HMGB1: variants seen among roughly 807,000 people sequenced by gnomAD.
HMGB1 encodes the protein high mobility group protein B1.
For missense variants in HMGB1, 79 were observed against 253.5 expected (o/e 0.31, Z 4.67); for synonymous variants, 81 against 84.0 (o/e 0.96, Z 0.19).
chr13:30,579,094 T>C (rs1025302439), intron 1 of HMGB1, among the ~76,000 whole-genome samples: 3 of 152,260 alleles, frequency 2.0e-5, no homozygotes, highest in Non-Finnish European at 4.4e-5. Context: ...TTGTATGTCC[T>C]GGGAACTAGA....
At chr13:30,541,355 G>GGGAAGTCTTAGCATTGA (rs1330566427) in intron 1 of HMGB1, among the ~76,000 whole-genome samples, 1 of 151,740 alleles carries the variant, frequency 6.6e-6, no homozygotes, top group African/African-American at 2.4e-5. Flanking sequence ...ACAATCTCAT[G>GGGAAGTCTTAGCATTGA]TAAATATGGG....
At chr13:30,516,592 T>G (rs984674104) in intron 1 of HMGB1, among the ~76,000 whole-genome samples, 1 of 152,158 alleles carries the variant, frequency 6.6e-6, no homozygotes, top group Non-Finnish European at 1.5e-5. Flanking sequence ...CTTTTAAATA[T>G]ATTTTTAGTC....
chr13:30,550,241 T>C (rs1461858466), intron 1 of HMGB1, among the ~76,000 whole-genome samples: 2 of 152,202 alleles, frequency 1.3e-5, no homozygotes, highest in Admixed American at 6.5e-5. Flanking sequence ...GTATGTTCAT[T>C]TGTCCATTTG....
At chr13:30,520,891 C>T (rs552945819) in intron 1 of HMGB1, among the ~76,000 whole-genome samples, 1 of 152,166 alleles carries the variant, frequency 6.6e-6, no homozygotes, top group Non-Finnish European at 1.5e-5. Flanking sequence ...TTATCATTCT[C>T]CCCACCTCTT....
At chr13:30,610,006 G>A (rs528715099) in intron 1 of HMGB1, among the ~76,000 whole-genome samples, 1 of 152,180 alleles carries the variant, frequency 6.6e-6, no homozygotes, top group Non-Finnish European at 1.5e-5. Context: ...TCTACTCAAT[G>A]TGAAGGTGAC....
intron 1 of HMGB1, among the ~76,000 whole-genome samples, chr13:30,550,821 C>A (rs1463370426): frequency 6.6e-6 from 1 of 152,150 alleles, no homozygotes; most frequent in Non-Finnish European, 1.5e-5. Context: ...ATTCATGTGT[C>A]ATATATTACA....
At chr13:30,490,517 G>A (rs1322656004) in intron 1 of HMGB1, among the ~76,000 whole-genome samples, 3 of 151,978 alleles carry the variant, frequency 2.0e-5, no homozygotes, top group African/African-American at 7.3e-5. Flanking sequence ...TACTTGGGAG[G>A]CTGAGGCGCA....
At chr13:30,512,888 C>A (rs571966577) in intron 1 of HMGB1, among the ~76,000 whole-genome samples, 161 of 152,288 alleles carry the variant, frequency 1.1e-3, no homozygotes, top group Non-Finnish European at 1.8e-3. Flanking sequence ...TAGGGCCGCA[C>A]ACAGTGGCTC....
At chr13:30,526,576 A>T (rs2137480843) in intron 1 of HMGB1, among the ~76,000 whole-genome samples, 1 of 152,342 alleles carries the variant, frequency 6.6e-6, no homozygotes, top group Admixed American at 6.5e-5. Context: ...CCTAAAAAAA[A>T]TTAAAATCAA....
At chr13:30,529,061 T>C (rs982670242) in intron 1 of HMGB1, among the ~76,000 whole-genome samples, 18 of 144,504 alleles carry the variant, frequency 1.2e-4, no homozygotes, top group Admixed American at 4.8e-4. Context: ...AAAAAAAGAT[T>C]GAATTTTGGA....
At chr13:30,611,922 T>A (rs1448062889) in intron 1 of HMGB1, among the ~76,000 whole-genome samples, 2 of 151,644 alleles carry the variant, frequency 1.3e-5, no homozygotes, top group Non-Finnish European at 2.9e-5. Flanking sequence ...CAATTATGCA[T>A]ACGTCTGAAC....
intron 1 of HMGB1, among the ~76,000 whole-genome samples, chr13:30,614,793 G>A (rs116683785): frequency 1.4e-3 from 208 of 152,082 alleles, no homozygotes; most frequent in African/African-American, 4.8e-3. Flanking sequence ...GACCCCCGGG[G>A]TTCAAGCAAT....
Position 30,460,979 on chromosome 13 carries a change from A to ATTTTTTT in HMGB1, c.*377_*378insAAAAAAA. 1.4e-6 allele frequency: 1 copy of ATTTTTTT among 738,348 alleles called. No individual in the cohort carries two copies. Among genetic ancestry groups the ATTTTTTT allele is most frequent in the Non-Finnish European group, 1.7e-6 (1 of 604,150 alleles). The allele number at this position is 738,348 out of a possible 1,614,324, so 45.7% of individuals were successfully genotyped here. A position where few individuals can be genotyped will look rare whatever the true frequency, so the allele number is the denominator to read the frequency against. On this transcript the variant is annotated 3_prime_UTR_variant, in exon 5 of 5. Coordinates refer to ENST00000341423, the MANE Select transcript of HMGB1 (RefSeq NM_002128.7). ...TTTTTTTTTTTTTTTGCAATTACAG[A>ATTTTTTT]GTGGTATTCAGTTAACAGAACAACA...
intron 1 of HMGB1, chr13:30,464,196 A>G (rs1041129034): frequency 3.0e-6 from 3 of 984,940 alleles, no homozygotes; most frequent in Non-Finnish European, 3.6e-6. Context: ...CCCTCTTTGC[A>G]TAAAACTTTG....
chr13:30,525,870 G>A lies in HMGB1; in HGVS notation c.-14-62176C>T, dbSNP rs1888354526. Among the ~76,000 whole-genome samples the A allele has an allele frequency of 2.0e-5, 3 of 150,328 alleles. No homozygotes were observed. The South Asian group carries it at 6.3e-4, about 31-fold the overall frequency. ...AGATGAGATTGTGGGGGGACACAAAGCCTAACCATATAATGGGGGTTTCGT... is the reference window on the plus strand; with the variant it reads ...AGATGAGATTGTGGGGGGACACAAAACCTAACCATATAATGGGGGTTTCGT... On this transcript the variant is annotated intron_variant, in intron 1 of 4. Coordinates refer to the HMGB1 transcript ENST00000405805.
chr13:30,460,660 T>C lies in HMGB1; in HGVS notation c.*697A>G, dbSNP rs1399188393. 3.3e-5 allele frequency: 5 copies of C among 152,746 alleles called. No individual in the cohort carries two copies. The highest frequency in any genetic ancestry group is 1.5e-5 in the Non-Finnish European group (1 of 68,004). The allele number at this position is 152,746 out of a possible 1,614,324, so 9.5% of individuals were successfully genotyped here. The stretch of plus-strand genomic sequence containing the variant: ...TCAGTTTGTAAATGTAAGTGGGCTA[T>C]GTGAAATTTCTTAACTGATCAAGAT... On this transcript the variant is annotated 3_prime_UTR_variant, in exon 5 of 5. Transcript: ENST00000341423.
At chr13:30,511,571 A>C (rs1887993012) in intron 1 of HMGB1, among the ~76,000 whole-genome samples, 1 of 152,190 alleles carries the variant, frequency 6.6e-6, no homozygotes, top group African/African-American at 2.4e-5. Context: ...TACCAGCCTC[A>C]GGCATTCCTT....
At chr13:30,522,854 T>C (rs1888271404) in intron 1 of HMGB1, among the ~76,000 whole-genome samples, 1 of 152,268 alleles carries the variant, frequency 6.6e-6, no homozygotes, top group African/African-American at 2.4e-5. Flanking sequence ...TAGCTGGGAC[T>C]ACAAGCATGC....
chr13:30,593,188 C>T (rs767114963), intron 1 of HMGB1, among the ~76,000 whole-genome samples: 2 of 152,188 alleles, frequency 1.3e-5, no homozygotes, highest in African/African-American at 4.8e-5. Flanking sequence ...GGGCGGAAAG[C>T]AGCATTTAGG....
Sources: gnomAD v4.1 joint callset for allele counts (sites outside exome capture counted in the v4.1 genomes callset) on GRCh38, gnomAD v4.1.1 for gene constraint, MANE v1.5 for transcripts, NCBI Gene and HGNC (gene_info 2026-07-23, HGNC 2026-07-21) for gene names.